Variants in EXOC6 observed in about 807,000 individuals in gnomAD.
EXOC6 encodes the protein SEC15-like 1.
EXOC6 carries 60 observed loss-of-function variants against 112.5 expected under a neutral mutation model. The observed-to-expected ratio is 0.53, with a 90% CI of 0.43 to 0.66. The LOEUF (loss-of-function observed/expected upper bound fraction) is 0.66, where lower values mean the gene tolerates loss of function less well. EXOC6 is among the 30% of genes least tolerant of loss of function. EXOC6 has a pLI of 0.00. For synonymous variants in EXOC6, 295 were observed against 308.0 expected (o/e 0.96, Z 0.44); for missense variants, 855 against 957.1 (o/e 0.89, Z 1.41).
At chr10:93,005,478 G>A (rs1243977957) in intron 19 of EXOC6, among the ~76,000 whole-genome samples, 1 of 151,998 alleles carries the variant, frequency 6.6e-6, no homozygotes, top group Non-Finnish European at 1.5e-5. Flanking sequence ...TATATATTGG[G>A]TACCAATATA....
chr10:93,040,611 A>G (rs967040334), intron 20 of EXOC6, among the ~76,000 whole-genome samples: 2 of 152,178 alleles, frequency 1.3e-5, no homozygotes, highest in Non-Finnish European at 1.5e-5. Flanking sequence ...CCTCATTTGC[A>G]TCCTTAAAAG....
At chr10:93,043,146 AG>A (rs1182367721) in intron 20 of EXOC6, among the ~76,000 whole-genome samples, 2 of 152,016 alleles carry the variant, frequency 1.3e-5, no homozygotes, top group African/African-American at 4.8e-5. Context: ...CATCTTGGCC[AG>A]GCTGGTCTTG....
rs539465083 is a variant in EXOC6 at position 92,885,076 on chromosome 10, T to G, written c.102-8273T>G. 3.3e-5 allele frequency among the ~76,000 whole-genome samples: 5 copies of G among 152,282 alleles called. No homozygotes were observed. In the East Asian group the frequency reaches 9.7e-4, roughly 29 times the overall value. Reference sequence around the variant, plus strand: ...TTGTATTTATTTTACTACCACTAGGTGGAGCCCTAAACACACAATTCAAGA... The same window carrying G: ...TTGTATTTATTTTACTACCACTAGGGGGAGCCCTAAACACACAATTCAAGA... On this transcript the variant is annotated intron_variant, in intron 1 of 21. Coordinates refer to ENST00000260762, the MANE Select transcript of EXOC6 (RefSeq NM_019053.6).
At chr10:92,957,397 G>A (rs1036578110) in intron 17 of EXOC6, among the ~76,000 whole-genome samples, 3 of 152,122 alleles carry the variant, frequency 2.0e-5, no homozygotes, top group Non-Finnish European at 2.9e-5. Flanking sequence ...AAAGATACTG[G>A]AACACAATGT....
intron 6 of EXOC6, among the ~76,000 whole-genome samples, chr10:92,913,232 T>G (rs1327281921): frequency 6.6e-6 from 1 of 152,248 alleles, no homozygotes; most frequent in South Asian, 2.1e-4. Context: ...GTATTCATAC[T>G]GTTAATGTTA....
intron 1 of EXOC6, among the ~76,000 whole-genome samples, chr10:92,892,791 C>T (rs986672184): frequency 3.3e-5 from 5 of 152,156 alleles, no homozygotes; most frequent in Admixed American, 1.3e-4. Context: ...GGGCTTGTAC[C>T]TGAGAATATG....
chr10:92,978,468 C>G (rs1465660401), intron 18 of EXOC6, among the ~76,000 whole-genome samples: 2 of 151,710 alleles, frequency 1.3e-5, no homozygotes, highest in Admixed American at 1.3e-4. Flanking sequence ...CAAGAATGAA[C>G]TAAAAGCATG....
chr10:92,984,206 T>C (rs1371797737), intron 18 of EXOC6, among the ~76,000 whole-genome samples: 1 of 152,248 alleles, frequency 6.6e-6, no homozygotes, highest in African/African-American at 2.4e-5. Context: ...TCTAGCATCA[T>C]GGCCAAATAG....
At chr10:92,967,271 G>A (rs145713414) in intron 17 of EXOC6, among the ~76,000 whole-genome samples, 4 of 152,166 alleles carry the variant, frequency 2.6e-5, no homozygotes, top group African/African-American at 7.2e-5. Flanking sequence ...TTCTTTTGCT[G>A]TGCAGAAGCT....
At chr10:92,949,797 T>G (rs1263147540) in intron 14 of EXOC6, among the ~76,000 whole-genome samples, 1 of 152,166 alleles carries the variant, frequency 6.6e-6, no homozygotes, top group Non-Finnish European at 1.5e-5. Context: ...GGTTTCACCG[T>G]GTAGGTCAGG....
At chr10:92,935,440 A>G (rs1323825359) in intron 11 of EXOC6, among the ~76,000 whole-genome samples, 1 of 152,148 alleles carries the variant, frequency 6.6e-6, no homozygotes, top group Non-Finnish European at 1.5e-5. Flanking sequence ...CTAAGAAAAT[A>G]ATGAAATTGT....
chr10:92,926,539 AG>A (rs201736707), intron 8 of EXOC6, among the ~76,000 whole-genome samples: 1 of 151,376 alleles, frequency 6.6e-6, no homozygotes. Flanking sequence ...AAAAAAAAAA[AG>A]AAAGAAAAAA....
chr10:92,889,501 A>AT (rs1247030336), intron 1 of EXOC6, among the ~76,000 whole-genome samples: 1 of 152,054 alleles, frequency 6.6e-6, no homozygotes, highest in Non-Finnish European at 1.5e-5. Flanking sequence ...TCTAGTCTAG[A>AT]TTCATTTCTT....
At chr10:93,019,660 A>G (rs1844692066) in intron 20 of EXOC6, among the ~76,000 whole-genome samples, 1 of 152,162 alleles carries the variant, frequency 6.6e-6, no homozygotes, top group African/African-American at 2.4e-5. Flanking sequence ...TAAAGTTTAA[A>G]AACAAAAAAA....
At chr10:93,037,244 G>C (rs1399522193) in intron 20 of EXOC6, among the ~76,000 whole-genome samples, 1 of 151,106 alleles carries the variant, frequency 6.6e-6, no homozygotes, top group Non-Finnish European at 1.5e-5. Context: ...CCCAGGCTCA[G>C]GTGATCCACC....
At chr10:92,987,748 G>A (rs1283484142) in intron 18 of EXOC6, 1 of 459,826 alleles carries the variant, frequency 2.2e-6, no homozygotes, top group Admixed American at 6.4e-5. Flanking sequence ...TAATTACTTT[G>A]GCAACATCCT....
upstream of EXOC6, among the ~76,000 whole-genome samples, chr10:92,845,460 G>C (rs1847011312): frequency 6.6e-6 from 1 of 151,538 alleles, no homozygotes; most frequent in African/African-American, 2.4e-5. Flanking sequence ...GACTGAGGCA[G>C]GAGAATCGCT....
intron 20 of EXOC6, among the ~76,000 whole-genome samples, chr10:93,022,426 G>A (rs924695936): frequency 2.0e-5 from 3 of 152,068 alleles, no homozygotes; most frequent in Admixed American, 6.5e-5. Flanking sequence ...TTTTGGGTGA[G>A]TTATTTTATT....
chr10:93,032,840 C>T (rs1845332016), intron 20 of EXOC6, among the ~76,000 whole-genome samples: 1 of 152,086 alleles, frequency 6.6e-6, no homozygotes, highest in Non-Finnish European at 1.5e-5. Context: ...TGAGGTGGGC[C>T]ACTTCAGATT....
Sources: allele counts gnomAD v4.1 joint callset (sites outside exome capture counted in the v4.1 genomes callset), GRCh38; gene constraint gnomAD v4.1.1; transcripts MANE v1.5; gene names NCBI Gene and HGNC (gene_info 2026-07-23, HGNC 2026-07-21).